The following H2BN1 variants were observed in gnomAD, a reference collection of about 807,000 sequenced individuals.
The protein encoded by H2BN1 is H2B.N variant histone 1.
the H2BN1 span, among the ~76,000 whole-genome samples, chr17:32,903,145 T>G: frequency 6.6e-6 from 1 of 151,780 alleles, no homozygotes; most frequent in Middle Eastern, 3.2e-3. Context: ...TGTTTTATTT[T>G]CTTAAGCCAA....
At chr17:32,901,907 C>G in the H2BN1 span, among the ~76,000 whole-genome samples, 1 of 151,950 alleles carries the variant, frequency 6.6e-6, no homozygotes, top group Non-Finnish European at 1.5e-5. Flanking sequence ...GATCATTATA[C>G]TTTCTCTTTA....
the H2BN1 span, among the ~76,000 whole-genome samples, chr17:32,898,871 T>C: frequency 6.6e-6 from 1 of 152,236 alleles, no homozygotes; most frequent in Non-Finnish European, 1.5e-5. Context: ...GTTGCTATTA[T>C]TTTCTTCTGA....
At chr17:32,906,095 A>G in the H2BN1 span, 2 of 152,204 alleles carry the variant, frequency 1.3e-5, no homozygotes, top group Non-Finnish European at 2.9e-5. Flanking sequence ...ACATGAATTC[A>G]TAGAAACCAT....
chr17:32,898,762 AAAAC>A, the H2BN1 span, among the ~76,000 whole-genome samples: 1 of 152,230 alleles, frequency 6.6e-6, no homozygotes, highest in Non-Finnish European at 1.5e-5. Flanking sequence ...GAGAAAAACA[AAAAC>A]AAAAGAACAA....
chr17:32,895,907 C>T, the H2BN1 span, among the ~76,000 whole-genome samples: 2 of 151,720 alleles, frequency 1.3e-5, no homozygotes, highest in African/African-American at 4.8e-5. Flanking sequence ...ATTCTTTTTC[C>T]TTTTTTTTGA....
chr17:32,895,784 T>TTCTCTCG, the H2BN1 span, among the ~76,000 whole-genome samples: 2 of 152,372 alleles, frequency 1.3e-5, no homozygotes, highest in East Asian at 3.8e-4. Flanking sequence ...GGCTGCTGTC[T>TTCTCTCG]TCTCTCGCTT....
At chr17:32,895,757 A>G in the H2BN1 span, among the ~76,000 whole-genome samples, 1 of 152,206 alleles carries the variant, frequency 6.6e-6, no homozygotes, top group Non-Finnish European at 1.5e-5. Context: ...CAGCTTTTCT[A>G]AATTGGATCT....
At chr17:32,900,841 A>G in the H2BN1 span, among the ~76,000 whole-genome samples, 1 of 151,978 alleles carries the variant, frequency 6.6e-6, no homozygotes, top group Non-Finnish European at 1.5e-5. Context: ...TTGGCCTCCC[A>G]AAGTGCTGGG....
chr17:32,899,775 A>G, the H2BN1 span, among the ~76,000 whole-genome samples: 62 of 152,362 alleles, frequency 4.1e-4, no homozygotes, highest in Non-Finnish European at 3.2e-4. Context: ...TCAAAGGAAA[A>G]GTTTCCTTGA....
At chr17:32,898,107 A>G in the H2BN1 span, among the ~76,000 whole-genome samples, 1 of 151,878 alleles carries the variant, frequency 6.6e-6, no homozygotes, top group Non-Finnish European at 1.5e-5. Context: ...GTGGACCCCA[A>G]AAATCTGAGA....
At chr17:32,902,194 T>C in the H2BN1 span, among the ~76,000 whole-genome samples, 1 of 152,184 alleles carries the variant, frequency 6.6e-6, no homozygotes, top group African/African-American at 2.4e-5. Flanking sequence ...GTTTTATACA[T>C]AACCTTTAAA....
chr17:32,900,298 T>C, the H2BN1 span, among the ~76,000 whole-genome samples: 1 of 152,234 alleles, frequency 6.6e-6, no homozygotes, highest in Admixed American at 6.5e-5. Flanking sequence ...TAATTCAAAC[T>C]AGGACTTTTG....
chr17:32,897,358 TACACACACAC>T, the H2BN1 span, among the ~76,000 whole-genome samples: 678 of 124,058 alleles, frequency 5.5e-3, 7 homozygotes, highest in African/African-American at 0.014. Flanking sequence ...CTCTCTGTCT[TACACACACAC>T]ACACACACAC....
chr17:32,898,061 CTT>C, the H2BN1 span, among the ~76,000 whole-genome samples: 2 of 152,210 alleles, frequency 1.3e-5, no homozygotes, highest in Non-Finnish European at 2.9e-5. Flanking sequence ...CCGTCCCTCT[CTT>C]CTTTCTCATC....
chr17:32,897,449 G>T, the H2BN1 span, among the ~76,000 whole-genome samples: 1 of 151,636 alleles, frequency 6.6e-6, no homozygotes, highest in Non-Finnish European at 1.5e-5. Flanking sequence ...TATGTCTCAT[G>T]TCCAAGTGGA....
the H2BN1 span, among the ~76,000 whole-genome samples, chr17:32,903,513 TAC>T: frequency 1.3e-5 from 2 of 152,206 alleles, no homozygotes; most frequent in Non-Finnish European, 2.9e-5. Context: ...TCCTTTTAAA[TAC>T]ACACACACCT....
chr17:32,896,692 C>T, the H2BN1 span, among the ~76,000 whole-genome samples: 1 of 152,162 alleles, frequency 6.6e-6, no homozygotes, highest in Admixed American at 6.5e-5. Flanking sequence ...AGCTTCTCAA[C>T]CATAGCCCTG....
chr17:32,902,142 A>T, the H2BN1 span, among the ~76,000 whole-genome samples: 1 of 152,044 alleles, frequency 6.6e-6, no homozygotes, highest in South Asian at 2.1e-4. Context: ...TACTTTTATA[A>T]CTTTCTTCAC....
the H2BN1 span, among the ~76,000 whole-genome samples, chr17:32,897,638 C>T: frequency 5.9e-3 from 899 of 152,234 alleles, 3 homozygotes; most frequent in African/African-American, 0.019. Context: ...GTGTGTGGAA[C>T]ACAGATAAGG....
Sources: gnomAD v4.1 joint callset for allele counts (sites outside exome capture counted in the v4.1 genomes callset) on GRCh38, gnomAD v4.1.1 for gene constraint, MANE v1.5 for transcripts, NCBI Gene and HGNC (gene_info 2026-07-23, HGNC 2026-07-21) for gene names.